RNLS: variants seen among roughly 807,000 people sequenced by gnomAD.
The protein encoded by RNLS is renalase, FAD dependent amine oxidase.
In RNLS, 39 loss-of-function variants were observed where a neutral mutation model predicts 39.8. That is an observed-to-expected ratio of 0.98 (90% CI 0.76 to 1.28). The LOEUF (loss-of-function observed/expected upper bound fraction) is 1.28, where lower values mean the gene tolerates loss of function less well. Among genes scored for constraint, RNLS ranks in the 50% most tolerant of loss-of-function variants. The pLI, the probability that RNLS is intolerant of heterozygous loss-of-function variation, is 0.00. For missense variants in RNLS, 410 were observed against 413.3 expected (o/e 0.99, Z 0.07); for synonymous variants, 147 against 150.7 (o/e 0.98, Z 0.18).
chr10:88,241,296 T>C, the RNLS span, among the ~76,000 whole-genome samples: 1 of 151,934 alleles, frequency 6.6e-6, no homozygotes, highest in Admixed American at 6.6e-5. Flanking sequence ...TCTTCTTTTG[T>C]GGAATATTTT....
chr10:88,444,772 A>C (rs1203080031), intron 4 of RNLS, among the ~76,000 whole-genome samples: 1 of 152,226 alleles, frequency 6.6e-6, no homozygotes, highest in African/African-American at 2.4e-5. Flanking sequence ...GTTTAGAGAA[A>C]AAAGAGTAAA....
the RNLS span, among the ~76,000 whole-genome samples, chr10:88,236,289 T>C: frequency 3.9e-5 from 6 of 152,322 alleles, no homozygotes; most frequent in South Asian, 1.2e-3. Context: ...ACTTTCCAAG[T>C]CAAGGAAGTC....
the RNLS span, among the ~76,000 whole-genome samples, chr10:88,215,088 A>T: frequency 6.6e-6 from 1 of 152,100 alleles, no homozygotes; most frequent in Non-Finnish European, 1.5e-5. Flanking sequence ...TTTTGGTTAC[A>T]GCACACATAT....
the RNLS span, among the ~76,000 whole-genome samples, chr10:88,195,138 T>G: frequency 0.011 from 1,716 of 152,324 alleles, 30 homozygotes; most frequent in African/African-American, 0.039. Context: ...CTGTGCGTCT[T>G]CTTTTTCCTG....
chr10:88,275,458 CAT>C (rs1842780811), intron 6 of RNLS, among the ~76,000 whole-genome samples: 1 of 152,118 alleles, frequency 6.6e-6, no homozygotes, highest in African/African-American at 2.4e-5. Flanking sequence ...AATGTGCAAA[CAT>C]ATTTATTGCA....
chr10:88,269,972 C>CGAGTA (rs1296946807), downstream of RNLS, among the ~76,000 whole-genome samples: 3 of 152,144 alleles, frequency 2.0e-5, no homozygotes. Context: ...CTCAGCCTCC[C>CGAGTA]GAGTAGCTGG....
chr10:88,424,535 G>A (rs186355163), intron 4 of RNLS, among the ~76,000 whole-genome samples: 3 of 152,192 alleles, frequency 2.0e-5, no homozygotes, highest in Admixed American at 2.0e-4. Flanking sequence ...AAAAGAGATG[G>A]CTCTATGCCC....
chr10:88,284,748 A>C lies in RNLS; in HGVS notation c.*606T>G. On this transcript the variant is annotated 3_prime_UTR_variant, in exon 7 of 7. Coordinates refer to ENST00000331772, the MANE Select transcript of RNLS (RefSeq NM_001031709.3). ...CTGGGAAAATCATGTGGAATCTTATACTTTCTGAAAATCTGAAGGAAGGTC... is the reference window on the plus strand; with the variant it reads ...CTGGGAAAATCATGTGGAATCTTATCCTTTCTGAAAATCTGAAGGAAGGTC... The C allele has an allele frequency of 1.0e-6, 1 of 985,366 alleles. No individual in the cohort carries two copies. The highest frequency in any genetic ancestry group is 1.2e-6 in the Non-Finnish European group (1 of 829,896). 61.0% of individuals were successfully genotyped at this position (985,366 alleles called of 1,614,324 possible).
the RNLS span, among the ~76,000 whole-genome samples, chr10:88,192,660 A>G: frequency 6.6e-6 from 1 of 152,214 alleles, no homozygotes; most frequent in Non-Finnish European, 1.5e-5. Flanking sequence ...AGTTTTGGGA[A>G]CATGGCTCCA....
chr10:88,183,735 A>C, the RNLS span, among the ~76,000 whole-genome samples: 8 of 152,152 alleles, frequency 5.3e-5, no homozygotes, highest in African/African-American at 1.9e-4. Flanking sequence ...CCTTTTCAGT[A>C]ATATCTAATG....
chr10:88,499,557 G>T (rs1845355378), intron 4 of RNLS, among the ~76,000 whole-genome samples: 1 of 152,028 alleles, frequency 6.6e-6, no homozygotes, highest in Non-Finnish European at 1.5e-5. Flanking sequence ...TTGCAGGGGT[G>T]GGGTGAGGCA....
chr10:88,197,420 A>G, the RNLS span, among the ~76,000 whole-genome samples: 4 of 152,172 alleles, frequency 2.6e-5, no homozygotes, highest in South Asian at 4.2e-4. Context: ...CTGCTATTGC[A>G]TGTCAGCAGT....
At chr10:88,447,523 A>G (rs906946142) in intron 4 of RNLS, among the ~76,000 whole-genome samples, 4 of 152,130 alleles carry the variant, frequency 2.6e-5, no homozygotes, top group Non-Finnish European at 4.4e-5. Context: ...ACAAACAAAC[A>G]GAAGAACATT....
At chr10:88,244,728 C>T in the RNLS span, among the ~76,000 whole-genome samples, 1 of 150,338 alleles carries the variant, frequency 6.7e-6, no homozygotes. Context: ...AAAAGAAGGA[C>T]ACACTGTGTA....
chr10:88,350,323 C>T (rs1370374211), intron 5 of RNLS, among the ~76,000 whole-genome samples: 1 of 151,836 alleles, frequency 6.6e-6, no homozygotes, highest in African/African-American at 2.4e-5. Context: ...TGTTGATGTG[C>T]TGCATCCATT....
rs530109914 is a variant in RNLS at position 88,444,743 on chromosome 10, A to C, written c.527-82018T>G. ...TCAGTGATTGAAGATCAAATGAATG[A>C]AATGAAGCAAGAAGAGAAGTTTAGA... On this transcript the variant is annotated intron_variant, in intron 4 of 6. Transcript: ENST00000331772. Among the ~76,000 whole-genome samples, 10 of 152,346 alleles carry C rather than the reference A, an allele frequency of 6.6e-5. No homozygotes were observed. In the East Asian group the frequency reaches 1.5e-3, roughly 23 times the overall value.
At chr10:88,457,866 C>T (rs1016125624) in intron 4 of RNLS, among the ~76,000 whole-genome samples, 3 of 152,182 alleles carry the variant, frequency 2.0e-5, no homozygotes, top group Non-Finnish European at 4.4e-5. Context: ...GATTTGACGT[C>T]ACAGACAGCA....
At chr10:88,254,984 C>T in the RNLS span, among the ~76,000 whole-genome samples, 1 of 152,208 alleles carries the variant, frequency 6.6e-6, no homozygotes, top group Non-Finnish European at 1.5e-5. Context: ...GAGGCACAAG[C>T]CTCTTCCTGC....
In RNLS at chr10:88,488,049, C is replaced by T. The variant is rs1197318564; in HGVS notation, c.526+84854G>A. Reference sequence around the variant, plus strand: ...TATCTATATAGAGAGAAGGCAGATCCGTGGTTACCTGAGGATGCAAGGGCT... The same window carrying T: ...TATCTATATAGAGAGAAGGCAGATCTGTGGTTACCTGAGGATGCAAGGGCT... On this transcript the variant is annotated intron_variant, in intron 4 of 6. Transcript: ENST00000331772. 2.6e-5 allele frequency among the ~76,000 whole-genome samples: 4 copies of T among 151,900 alleles called. 1 individual carries two copies. In the South Asian group the frequency reaches 6.3e-4, roughly 24 times the overall value.
Sources: gnomAD v4.1 joint callset for allele counts (sites outside exome capture counted in the v4.1 genomes callset) on GRCh38, gnomAD v4.1.1 for gene constraint, MANE v1.5 for transcripts, NCBI Gene and HGNC (gene_info 2026-07-23, HGNC 2026-07-21) for gene names.